Variants in ABCC11 observed in about 807,000 individuals in gnomAD.
The protein encoded by ABCC11 is ATP binding cassette subfamily C member 11, also known as ATP-binding cassette sub-family C member 11.
Under a neutral mutation model 149.3 loss-of-function variants are expected in ABCC11, and 135 were observed. The ratio of observed to expected loss-of-function variants is 0.90; its 90% CI spans 0.79 to 1.04. ABCC11 has a LOEUF of 1.04. Among genes scored for constraint, ABCC11 ranks in the 50% least tolerant of loss-of-function variants. The pLI is 0.00. For synonymous variants in ABCC11, 665 were observed against 671.4 expected (o/e 0.99, Z 0.15); for missense variants, 1,680 against 1,722.1 (o/e 0.98, Z 0.43).
Position 48,187,037 on chromosome 16 carries a change from G to A in ABCC11, c.2987C>T (p.Ser996Phe). The A allele has an allele frequency of 1.9e-6, 3 of 1,614,134 alleles. No homozygotes were observed. Among genetic ancestry groups the A allele is most frequent in the Non-Finnish European group, 1.7e-6 (2 of 1,180,014 alleles). Residue 996 changes from serine to phenylalanine, a missense_variant, in exon 22 of 30, where the codon TCT becomes TTT. Ser to Phe is a radical substitution (Grantham distance 155, BLOSUM62 -2). Transcript: ENST00000356608. The stretch of plus-strand genomic sequence containing the variant: ...ATTGAGGATGTGGGAGAATAAAGGA[G>A]ACCGGCTATAGTTCTCCAGTCTCTT... ...VFKRLENYSR[S>F]PLFSHILNSL...
At position 48,244,798 on chromosome 16, in the gene ABCC11, C is replaced by G. The variant is rs555159954; in HGVS notation, c.-19+2516G>C. Among the ~76,000 whole-genome samples, 44 of 152,300 alleles carry G rather than the reference C, an allele frequency of 2.9e-4. 2 individuals are homozygous for G. The South Asian group carries it at 7.3e-3, about 25-fold the overall frequency. ...GGGATGTCAGATACCTGCCCCATGACCATGAATGAGATCGTTCATGAAGTA... is the reference window on the plus strand; with the variant it reads ...GGGATGTCAGATACCTGCCCCATGAGCATGAATGAGATCGTTCATGAAGTA... On this transcript the variant is annotated intron_variant, in intron 1 of 29. Transcript: ENST00000356608.
chr16:48,231,765 T>C (rs1970434598), intron 2 of ABCC11, 58 bp downstream of exon 2: 1 of 1,589,414 alleles, frequency 6.3e-7, no homozygotes, highest in East Asian at 2.3e-5. Context: ...TTTATGACCG[T>C]GGAGAATATT....
At chr16:48,191,148 A>G (rs937582587) in intron 20 of ABCC11, among the ~76,000 whole-genome samples, 3 of 152,232 alleles carry the variant, frequency 2.0e-5, no homozygotes, top group Admixed American at 2.0e-4. Flanking sequence ...CATAAGGTGA[A>G]CTATGGATAT....
At position 48,216,412 on chromosome 16, in the gene ABCC11, C is replaced by G; in HGVS notation, c.778-125G>C. The G allele has an allele frequency of 5.9e-6, 5 of 852,984 alleles. No individual in the cohort carries two copies. The Admixed American group carries it at 7.4e-5, about 13-fold the overall frequency. The allele number at this position is 852,984 out of a possible 1,614,324, so 52.8% of individuals were successfully genotyped here. On this transcript the variant is annotated intron_variant, in intron 6 of 29. Transcript: ENST00000356608. Reference sequence around the variant, plus strand: ...GAAAGGAAGGGTGGAAGAGTAGAGACAGACACCCCAGGTTCACATCTTTCT... The same window carrying G: ...GAAAGGAAGGGTGGAAGAGTAGAGAGAGACACCCCAGGTTCACATCTTTCT...
intron 6 of ABCC11, among the ~76,000 whole-genome samples, chr16:48,220,563 C>G (rs1969666603): frequency 6.6e-6 from 1 of 152,172 alleles, no homozygotes; most frequent in African/African-American, 2.4e-5. Flanking sequence ...TTACACTTGT[C>G]AACCACTACC....
At chr16:48,211,659 C>G (rs754224727) in intron 10 of ABCC11, among the ~76,000 whole-genome samples, 1 of 151,686 alleles carries the variant, frequency 6.6e-6, no homozygotes, top group Non-Finnish European at 1.5e-5. Flanking sequence ...GCCTGGGGAC[C>G]ATAGTGAGAC....
chr16:48,175,463 C>A, intron 25 of ABCC11, 46 bp from the exon 26 acceptor site: 2 of 1,574,246 alleles, frequency 1.3e-6, no homozygotes, highest in Admixed American at 1.7e-5. Flanking sequence ...TGCATCTGCA[C>A]TAGCGGAAGC....
chr16:48,225,043 C>A (rs74596476), intron 4 of ABCC11, among the ~76,000 whole-genome samples: 10 of 142,482 alleles, frequency 7.0e-5, no homozygotes, highest in Non-Finnish European at 1.4e-4. Context: ...AAAAACAAAC[C>A]AAAAAAAAAA....
intron 13 of ABCC11, among the ~76,000 whole-genome samples, chr16:48,204,261 T>C (rs1030321351): frequency 6.6e-6 from 1 of 152,126 alleles, no homozygotes; most frequent in African/African-American, 2.4e-5. Flanking sequence ...AGAAGAGCAA[T>C]GACAAGATGA....
chr16:48,182,324 A>G (rs1257580087), intron 23 of ABCC11, among the ~76,000 whole-genome samples: 1 of 152,166 alleles, frequency 6.6e-6, no homozygotes, highest in East Asian at 1.9e-4. Context: ...ATGGACATTC[A>G]GAGAGCTATG....
intron 6 of ABCC11, among the ~76,000 whole-genome samples, chr16:48,220,804 A>C (rs1312798320): frequency 6.6e-6 from 1 of 152,360 alleles, no homozygotes; most frequent in East Asian, 1.9e-4. Context: ...TGAATAATTC[A>C]GCAGATGTTT....
intron 6 of ABCC11, among the ~76,000 whole-genome samples, chr16:48,219,029 C>G (rs1969543763): frequency 6.6e-6 from 1 of 152,162 alleles, no homozygotes; most frequent in African/African-American, 2.4e-5. Context: ...AAGCTATGTT[C>G]TACATTTTCT....
chr16:48,199,672 A>ATT (rs71134549), intron 15 of ABCC11, among the ~76,000 whole-genome samples: 5 of 58,242 alleles, frequency 8.6e-5, no homozygotes, highest in Non-Finnish European at 1.2e-4. Flanking sequence ...TTTTTTATTG[A>ATT]TTTTTTTTTT....
chr16:48,165,445 G>A (rs990195230), downstream of ABCC11, among the ~76,000 whole-genome samples: 1 of 152,232 alleles, frequency 6.6e-6, no homozygotes, highest in Non-Finnish European at 1.5e-5. Context: ...ATCAGCCCCT[G>A]TAGTAGCTCA....
intron 6 of ABCC11, among the ~76,000 whole-genome samples, chr16:48,219,244 A>T (rs1180896325): frequency 2.0e-5 from 3 of 147,040 alleles, no homozygotes; most frequent in East Asian, 4.0e-4. Context: ...ATCTCAGCTC[A>T]CTGCAACCTA....
chr16:48,181,673 C>T (rs556928262), intron 23 of ABCC11, among the ~76,000 whole-genome samples: 98 of 151,028 alleles, frequency 6.5e-4, no homozygotes, highest in Non-Finnish European at 1.1e-3. Context: ...TGCAGTGGTG[C>T]GATCTTGCCT....
rs1471863464 is a variant in ABCC11, at chr16:48,237,220, G to A, written c.-18-5281C>T. Reference sequence around the variant, plus strand: ...GCGCTTGGGAATCTGGGCCACATATGTTTTATCTCTGTACCACCCTCAGAA... The same window carrying A: ...GCGCTTGGGAATCTGGGCCACATATATTTTATCTCTGTACCACCCTCAGAA... On this transcript the variant is annotated intron_variant, in intron 1 of 29. Coordinates refer to ENST00000356608, the MANE Select transcript of ABCC11 (RefSeq NM_001370497.1). Among the ~76,000 whole-genome samples the A allele has an allele frequency of 3.9e-5, 6 of 152,174 alleles. No homozygotes were observed. In the East Asian group the frequency reaches 9.6e-4, roughly 24 times the overall value.
chr16:48,244,468 C>A, intron 1 of ABCC11: 1 of 1,597,408 alleles, frequency 6.3e-7, no homozygotes, highest in South Asian at 1.1e-5. Context: ...CTGCCCGGCT[C>A]CACCATGCGC....
At chr16:48,235,194 C>T (rs1596858781) in intron 1 of ABCC11, 3 of 151,536 alleles carry the variant, frequency 2.0e-5, no homozygotes, top group Non-Finnish European at 4.4e-5. Context: ...AGAGAGGTAA[C>T]GAAGGTTTCA....
Sources: allele counts gnomAD v4.1 joint callset (sites outside exome capture counted in the v4.1 genomes callset), GRCh38; gene constraint gnomAD v4.1.1; transcripts MANE v1.5; gene names NCBI Gene and HGNC (gene_info 2026-07-23, HGNC 2026-07-21).